The following SVIL variants were observed in gnomAD, a reference collection of about 807,000 sequenced individuals.
The protein encoded by SVIL is supervillin.
A neutral mutation model predicts 240.4 loss-of-function variants in SVIL; 101 were observed. That is an observed-to-expected ratio of 0.42 (90% CI 0.36 to 0.50). SVIL has a LOEUF of 0.50. SVIL is among the 20% of genes least tolerant of loss of function. The probability of loss-of-function intolerance (pLI) is 0.01; values close to 1 mark genes in which losing one functional copy is unlikely to be tolerated. For synonymous variants in SVIL, 999 were observed against 1,100.0 expected (o/e 0.91, Z 1.82); for missense variants, 2,512 against 2,818.7 (o/e 0.89, Z 2.46).
At chr10:29,557,436 GA>G (rs1954039781) in intron 3 of SVIL, among the ~76,000 whole-genome samples, 1 of 151,992 alleles carries the variant, frequency 6.6e-6, no homozygotes, top group South Asian at 2.1e-4. Context: ...ATTTCAACTG[GA>G]TAAGTATCAA....
At chr10:29,621,015 G>C (rs567538190) in intron 1 of SVIL, among the ~76,000 whole-genome samples, 2 of 149,432 alleles carry the variant, frequency 1.3e-5, no homozygotes, top group Non-Finnish European at 3.0e-5. Flanking sequence ...TATTTCCCAG[G>C]CTGGTCTCGA....
At chr10:29,555,659 C>A (rs10826655) in intron 3 of SVIL, among the ~76,000 whole-genome samples, 46,090 of 151,882 alleles carry the variant, frequency 0.3, 7,242 homozygotes, top group African/African-American at 0.38. Flanking sequence ...GGAGACCTGA[C>A]GAGCAAGCTT....
chr10:29,569,313 C>T lies in SVIL; in HGVS notation c.-200-1G>A. The T allele has an allele frequency of 1.0e-6, 1 of 984,936 alleles. No homozygotes were observed. Among genetic ancestry groups the T allele is most frequent in the Non-Finnish European group, 1.2e-6 (1 of 829,240 alleles). The allele number at this position is 984,936 out of a possible 1,614,324, so 61.0% of individuals were successfully genotyped here. A position where few individuals can be genotyped will look rare whatever the true frequency, so the allele number is the denominator to read the frequency against. On this transcript the variant is annotated splice_acceptor_variant, in intron 1 of 37. Coordinates refer to ENST00000355867, the MANE Select transcript of SVIL (RefSeq NM_021738.3). LOFTEE classifies it low-confidence loss of function (5UTR_SPLICE). ...AAGCTTAAGTTTTTCTTGTTGAAATCTAAGGGAAAAGAAATAATGTAACAT... is the reference window on the plus strand; with the variant it reads ...AAGCTTAAGTTTTTCTTGTTGAAATTTAAGGGAAAAGAAATAATGTAACAT...
At chr10:29,714,402 C>T (rs1963490346) in intron 1 of SVIL, among the ~76,000 whole-genome samples, 2 of 152,184 alleles carry the variant, frequency 1.3e-5, no homozygotes, top group African/African-American at 2.4e-5. Context: ...ACTGATTGGA[C>T]ACATTCACCA....
At chr10:29,557,548 A>T (rs1262366652) in intron 3 of SVIL, among the ~76,000 whole-genome samples, 1 of 152,192 alleles carries the variant, frequency 6.6e-6, no homozygotes, top group Non-Finnish European at 1.5e-5. Context: ...CTTTCATTTC[A>T]TCCAAATTTT....
intron 1 of SVIL, among the ~76,000 whole-genome samples, chr10:29,591,098 C>T (rs1589338807): frequency 6.6e-6 from 1 of 152,320 alleles, no homozygotes; most frequent in Middle Eastern, 3.4e-3. Context: ...ACTCCCTGCC[C>T]ACACAAACTT....
intron 2 of SVIL, among the ~76,000 whole-genome samples, chr10:29,676,608 T>C (rs11007693): frequency 0.018 from 2,726 of 152,302 alleles, 58 homozygotes; most frequent in East Asian, 0.097. Context: ...CACAAGGGTT[T>C]GGCTGGCTCC....
intron 1 of SVIL, among the ~76,000 whole-genome samples, chr10:29,698,721 AAAG>A: frequency 6.6e-6 from 1 of 151,486 alleles, no homozygotes; most frequent in Non-Finnish European, 1.5e-5. Context: ...AAAAAAAAAA[AAAG>A]AAGCAAATTT....
Position 29,484,699 on chromosome 10 carries a change from T to C in SVIL, c.4912A>G (p.Ile1638Val), listed in dbSNP as rs754458657. 120 of 1,613,938 alleles carry C rather than the reference T, an allele frequency of 7.4e-5. 1 individual carries two copies. Among genetic ancestry groups the C allele is most frequent in the South Asian group, 3.2e-4 (29 of 91,046 alleles). Residue 1638 changes from isoleucine (I) to valine (V), a missense_variant, in exon 27 of 38, where the codon ATC (isoleucine) becomes GTC (valine). Physicochemically the swap from Ile to Val is conservative, Grantham distance 29. Transcript: ENST00000355867. The surrounding 1 kb of genome is among the most constrained non-coding windows in gnomAD (Gnocchi z 4.7). ...CATTCTCCAGGATCCAGGGGATTGA[T>C]GTCACAGTTCTCATAGTCAAAGGTT... ...NGTFDYENCDINPLDPGECNP... is the reference protein window; with the variant it reads ...NGTFDYENCDVNPLDPGECNP...
intron 5 of SVIL, among the ~76,000 whole-genome samples, 193 bp from the exon 6 acceptor site, chr10:29,551,456 A>C (rs1346305853): frequency 6.6e-6 from 1 of 152,222 alleles, no homozygotes; most frequent in Non-Finnish European, 1.5e-5. Context: ...TCGGCAGTGA[A>C]ATCTACAAAG....
At chr10:29,661,708 G>A (rs926737375) in intron 2 of SVIL, among the ~76,000 whole-genome samples, 3 of 152,242 alleles carry the variant, frequency 2.0e-5, no homozygotes, top group African/African-American at 7.2e-5. Flanking sequence ...CATCCTTTTA[G>A]GTTAATGTTT....
chr10:29,523,822 C>A lies in SVIL; in HGVS notation c.2792G>T (p.Trp931Leu). 1 of 1,614,182 alleles carries A rather than the reference C, an allele frequency of 6.2e-7. No homozygotes were observed. Among genetic ancestry groups the A allele is most frequent in the South Asian group, 1.1e-5 (1 of 91,082 alleles). The change falls in exon 15 of 38, where the codon TGG becomes TTG. Residue 931 changes from tryptophan to leucine, a missense_variant. Trp to Leu is a moderately conservative substitution (Grantham distance 61). Around this residue, in one of 3 missense-constraint regions of SVIL, gnomAD observed 1,443 missense variants for 1,486.6 expected, o/e 0.97. Transcript: ENST00000355867. ...PVRSILKSQA[W>L]QPLVEGSENK... ...CTCGCTACCCTCTACCAAAGGCTGC[C>A]AAGCTTGCGATTTCAGAATGCTTCT...
At chr10:29,731,201 T>C (rs1964600496) in intron 1 of SVIL, among the ~76,000 whole-genome samples, 1 of 152,240 alleles carries the variant, frequency 6.6e-6, no homozygotes, top group Non-Finnish European at 1.5e-5. Flanking sequence ...CGTCTGTTGT[T>C]TCTGAACTGC....
At chr10:29,596,422 G>A (rs1956591372) in intron 1 of SVIL, among the ~76,000 whole-genome samples, 1 of 152,184 alleles carries the variant, frequency 6.6e-6, no homozygotes, top group Non-Finnish European at 1.5e-5. Flanking sequence ...GCAGTGAGCT[G>A]TGATTGTGCT....
At chr10:29,542,287 T>C (rs1952231301) in intron 6 of SVIL, among the ~76,000 whole-genome samples, 1 of 152,230 alleles carries the variant, frequency 6.6e-6, no homozygotes, top group Non-Finnish European at 1.5e-5. Context: ...TTGAAATTGT[T>C]GGATATTCCA....
chr10:29,475,788 GAAT>G (rs1554811701), intron 29 of SVIL, among the ~76,000 whole-genome samples: 8 of 152,212 alleles, frequency 5.3e-5, no homozygotes, highest in Non-Finnish European at 4.4e-5. Context: ...GGTTTAAAAG[GAAT>G]GAGAATAACT....
intron 2 of SVIL, among the ~76,000 whole-genome samples, chr10:29,658,695 G>T (rs1304214271): frequency 6.6e-6 from 1 of 152,186 alleles, no homozygotes; most frequent in Non-Finnish European, 1.5e-5. Context: ...GGTTAAGGCT[G>T]CAGTGAGCCA....
At position 29,486,570 on chromosome 10, in the gene SVIL, G is replaced by C; in HGVS notation, c.4486-13C>G. ...CAAGTTCTGAGGCCTAAAAAAGAGA[G>C]GAACACAATTGCCTGGGTAGAAAAG... is the stretch of plus-strand genomic sequence containing the variant. On this transcript the variant is annotated splice_polypyrimidine_tract_variant and intron_variant, in intron 24 of 37. Transcript: ENST00000355867. 2 of 1,614,068 alleles carry C rather than the reference G, an allele frequency of 1.2e-6. No individual in the cohort carries two copies. Among genetic ancestry groups the C allele is most frequent in the Non-Finnish European group, 1.7e-6 (2 of 1,180,014 alleles).
At chr10:29,571,289 G>A (rs1183695778) in intron 1 of SVIL, among the ~76,000 whole-genome samples, 2 of 152,346 alleles carry the variant, frequency 1.3e-5, no homozygotes, top group Middle Eastern at 3.4e-3. Flanking sequence ...GTGATGGGAC[G>A]TGGGTGATGT....
Sources: gnomAD v4.1 joint callset for allele counts (sites outside exome capture counted in the v4.1 genomes callset) on GRCh38, gnomAD v4.1.1 for gene constraint, gnomAD v4.1.1 regional missense constraint, Gnocchi (gnomAD v3.1) non-coding constraint, MANE v1.5 for transcripts, NCBI Gene and HGNC (gene_info 2026-07-23, HGNC 2026-07-21) for gene names.